The following ATP7A variants were observed in gnomAD, a reference collection of about 807,000 sequenced individuals.
ATP7A encodes copper-transporting ATPase 1.
In ATP7A, 7 loss-of-function variants were observed where a neutral mutation model predicts 83.5. The observed-to-expected ratio is 0.08, with a 90% CI of 0.05 to 0.16. The LOEUF is 0.16. Among genes scored for constraint, ATP7A ranks in the 10% least tolerant of loss-of-function variants. The pLI, the probability that ATP7A is intolerant of heterozygous loss-of-function variation, is 1.00. For synonymous variants in ATP7A, 354 were observed against 395.2 expected (o/e 0.90, Z 1.24); for missense variants, 940 against 1,120.8 (o/e 0.84, Z 2.30).
chrX:78,015,960 T>C (rs2077860266), intron 12 of ATP7A, 79 bp downstream of exon 12: 1 of 1,046,187 alleles, frequency 9.6e-7, no homozygotes, highest in Non-Finnish European at 1.3e-6. Flanking sequence ...GTAGAAGCTA[T>C]GAATAACTAA....
intron 6 of ATP7A, among the ~76,000 whole-genome samples, chrX:78,008,879 G>A (rs1340130052): frequency 9.1e-6 from 1 of 109,439 alleles, no homozygotes; most frequent in Non-Finnish European, 1.9e-5. Flanking sequence ...AGCCAGGCAT[G>A]GTAGAACATG....
At chrX:78,031,324 A>T in intron 15 of ATP7A, 76 bp from the exon 16 acceptor site, 1 of 1,029,570 alleles carries the variant, frequency 9.7e-7, no homozygotes, top group Non-Finnish European at 1.4e-6. Flanking sequence ...TCTCTTTGTC[A>T]AAACAGACCT....
chrX:78,033,898 A>T (rs1214425662), intron 17 of ATP7A, 77 bp downstream of exon 17: 2 of 988,363 alleles, frequency 2.0e-6, no homozygotes, highest in Admixed American at 2.3e-5. Flanking sequence ...CTGAACTGTT[A>T]TAGAAGAAAC....
intron 6 of ATP7A, among the ~76,000 whole-genome samples, chrX:78,006,408 A>T (rs1473003590): frequency 8.9e-6 from 1 of 112,485 alleles, no homozygotes; most frequent in Non-Finnish European, 1.9e-5. Flanking sequence ...ATATCATGGG[A>T]TACTGAGTAG....
At position 78,015,781 on chromosome X, in the gene ATP7A, A is replaced by G; in HGVS notation, c.2526A>G (p.Val842=). The part of the protein sequence containing the change: ...LSEEQVDVEL[V]QRGDIIKVVP... ...AAGAACAAGTGGATGTGGAACTTGT[A>G]CAACGTGGAGATATCATTAAAGTAG... Residue 842 remains valine, a synonymous_variant, in exon 12 of 23, where the codon GTA becomes GTG. Coordinates refer to ENST00000341514, the MANE Select transcript of ATP7A (RefSeq NM_000052.7). 1 of 1,211,557 alleles carries G rather than the reference A, an allele frequency of 8.3e-7. No individual in the cohort carries two copies. Among genetic ancestry groups the G allele is most frequent in the Non-Finnish European group, 1.1e-6 (1 of 895,166 alleles).
chrX:78,020,984 T>C lies in ATP7A; in HGVS notation c.2821T>C (p.Phe941Leu). The C allele has an allele frequency of 8.3e-7, 1 of 1,206,917 alleles. No individual in the cohort carries two copies. Among genetic ancestry groups the C allele is most frequent in the Non-Finnish European group, 1.1e-6 (1 of 891,316 alleles). ...QQFADKLSGY[F>L]VPFIVFVSIA... ...GTTTGCAGACAAACTCAGTGGCTATTTTGTTCCTTTTATTGTTTTTGTTTC... is the reference window on the plus strand; with the variant it reads ...GTTTGCAGACAAACTCAGTGGCTATCTTGTTCCTTTTATTGTTTTTGTTTC... Residue 941 changes from phenylalanine (F) to leucine (L), a missense_variant, in exon 14 of 23, where the codon TTT (phenylalanine) becomes CTT (leucine). By Grantham distance (22) the Phe-to-Leu change is conservative. Transcript: ENST00000341514.
chrX:77,991,201 C>T (rs1321860584), intron 4 of ATP7A, among the ~76,000 whole-genome samples: 2 of 111,356 alleles, frequency 1.8e-5, no homozygotes, highest in African/African-American at 6.5e-5. Flanking sequence ...ATCACATATC[C>T]ATTAGCAGTC....
Position 77,993,418 on chromosome X carries a change from A to G in ATP7A, c.1336+3460A>G, listed in dbSNP as rs1267524258. On this transcript the variant is annotated intron_variant, in intron 4 of 22. Transcript: ENST00000341514. ...AATCAAATTCTACATTTTAATTTTA[A>G]TGAGCTCTCCAGGTAATCCATTTGC... Among the ~76,000 whole-genome samples the G allele has an allele frequency of 5.4e-5, 6 of 112,015 alleles. No homozygotes were observed. The Admixed American group carries it at 5.7e-4, about 11-fold the overall frequency.
chrX:77,954,694 G>A (rs2077431595), intron 1 of ATP7A, among the ~76,000 whole-genome samples: 1 of 111,338 alleles, frequency 9.0e-6, no homozygotes, highest in African/African-American at 3.3e-5. Flanking sequence ...AAAAGTGAAT[G>A]GGTAGGAAAA....
intron 6 of ATP7A, among the ~76,000 whole-genome samples, chrX:78,006,976 A>T (rs781907403): frequency 8.9e-6 from 1 of 112,303 alleles, no homozygotes; most frequent in African/African-American, 3.2e-5. Flanking sequence ...GAACATTCAT[A>T]TACAAGTTTT....
At chrX:77,979,117 C>T (rs188192710) in intron 2 of ATP7A, among the ~76,000 whole-genome samples, 41 of 111,328 alleles carry the variant, frequency 3.7e-4, no homozygotes, top group African/African-American at 1.3e-3. Flanking sequence ...CAGGTGTGAG[C>T]CACTGCACCC....
chrX:77,974,881 A>G, intron 2 of ATP7A: 1 of 280,532 alleles, frequency 3.6e-6, no homozygotes, highest in Non-Finnish European at 6.3e-6. Flanking sequence ...TGGAGAAACT[A>G]TTTTTTTTTA....
At chrX:77,945,230 T>A (rs782619087) in intron 1 of ATP7A, among the ~76,000 whole-genome samples, 1 of 111,578 alleles carries the variant, frequency 9.0e-6, no homozygotes, top group East Asian at 2.8e-4. Flanking sequence ...CAGGCTGGAG[T>A]GCAGTGGTGA....
chrX:78,025,193 A>G lies in ATP7A; in HGVS notation c.2917-4057A>G, dbSNP rs183232297. On this transcript the variant is annotated intron_variant, in intron 14 of 22. Transcript: ENST00000341514. ...ACCAAAAACAAAGCTAAATGATCAC[A>G]CACAACATGCACCACAGTAAAGCAC... is the stretch of plus-strand genomic sequence containing the variant. 1.2e-3 allele frequency among the ~76,000 whole-genome samples: 136 copies of G among 111,258 alleles called. No individual in the cohort carries two copies. In the East Asian group the frequency reaches 0.026, roughly 21 times the overall value.
intron 14 of ATP7A, among the ~76,000 whole-genome samples, chrX:78,021,913 C>T (rs1308050748): frequency 9.0e-6 from 1 of 111,200 alleles, no homozygotes; most frequent in Non-Finnish European, 1.9e-5. Flanking sequence ...CTACCCCCGA[C>T]TGATTCTTTC....
intron 12 of ATP7A, among the ~76,000 whole-genome samples, chrX:78,018,462 C>CCA (rs1297456315): frequency 9.0e-6 from 1 of 111,298 alleles, no homozygotes; most frequent in Non-Finnish European, 1.9e-5. Flanking sequence ...CGAGATTGCA[C>CCA]CATTGCACTC....
At chrX:78,013,145 G>T (rs782614074) in intron 10 of ATP7A, 33 bp downstream of exon 10, 1 of 1,140,776 alleles carries the variant, frequency 8.8e-7, no homozygotes, top group Admixed American at 2.2e-5. Context: ...TTGTTAAAAT[G>T]TTGGGTGGAT....
intron 2 of ATP7A, among the ~76,000 whole-genome samples, chrX:77,981,266 T>G (rs2149078900): frequency 9.0e-6 from 1 of 111,414 alleles, no homozygotes; most frequent in South Asian, 3.7e-4. Flanking sequence ...GCATTTTTAT[T>G]ATTATAAATT....
intron 21 of ATP7A, 86 bp from the exon 22 acceptor site, chrX:78,045,384 A>G (rs782326470): frequency 2.7e-5 from 23 of 856,926 alleles, no homozygotes; most frequent in Non-Finnish European, 3.6e-5. Context: ...AGTATCAAAC[A>G]AAGAAATGAT....
Sources: gnomAD v4.1 joint callset for allele counts (sites outside exome capture counted in the v4.1 genomes callset) on GRCh38, gnomAD v4.1.1 for gene constraint, MANE v1.5 for transcripts, NCBI Gene and HGNC (gene_info 2026-07-23, HGNC 2026-07-21) for gene names.